Variants in LSG1 observed in about 807,000 individuals in gnomAD.
LSG1 encodes the protein large 60S subunit nuclear export GTPase 1, also known as large subunit GTPase 1 homolog.
Under a neutral mutation model 82.6 loss-of-function variants are expected in LSG1, and 55 were observed. The observed-to-expected ratio is 0.67, with a 90% CI of 0.54 to 0.83. The LOEUF (loss-of-function observed/expected upper bound fraction) is 0.83, where lower values mean the gene tolerates loss of function less well. Ranked by LOEUF, LSG1 falls within the 40% of genes least tolerant of loss-of-function variation. The pLI is 0.00. For synonymous variants in LSG1, 272 were observed against 282.5 expected, an observed-to-expected ratio of 0.96 and a Z score of 0.37; for missense variants, 809 against 807.9, an observed-to-expected ratio of 1.00 and a Z score of -0.02.
intron 5 of LSG1, among the ~76,000 whole-genome samples, chr3:194,661,071 T>G (rs1577258014): frequency 6.6e-6 from 1 of 152,312 alleles, no homozygotes; most frequent in East Asian, 1.9e-4. Flanking sequence ...CTGAGGCAAC[T>G]TTGCAAATAT....
chr3:194,672,178 G>T lies in LSG1; in HGVS notation c.-16C>A, dbSNP rs370400412. 143 of 1,576,840 alleles carry T rather than the reference G, an allele frequency of 9.1e-5. No individual in the cohort carries two copies. The highest frequency in any genetic ancestry group is 1.1e-4 in the Non-Finnish European group (131 of 1,159,734). ...TCCGGCCCATGGCAACACGACCGCT[G>T]GACGAAGCTTCCCGGCTCGGCGCGT... On this transcript the variant is annotated 5_prime_UTR_variant, in exon 1 of 14. Transcript: ENST00000265245.
rs948981091 is a variant in LSG1 at position 194,641,845 on chromosome 3, C to T, written c.*223G>A. 2 of 429,026 alleles carry T rather than the reference C, an allele frequency of 4.7e-6. No homozygotes were observed. The allele number at this position is 429,026 out of a possible 1,614,324, so 26.6% of individuals were successfully genotyped here. ...TGGTGCGTGAGCCACTGTGCCCGGC[C>T]AGGAGTAGGATTCTCGGGCTCCCAG... On this transcript the variant is annotated 3_prime_UTR_variant, in exon 14 of 14. Transcript: ENST00000265245.
Position 194,644,375 on chromosome 3 carries a change from AAAAAATAAAAAT to A in LSG1, c.1797+186_1797+197del, listed in dbSNP as rs1159210708. ...CAGAGCGAGACTCCGTCTCAAAAAA[AAAAAATAAAAAT>A]AAATAAATAAATAAATAAATAAATA... is the stretch of plus-strand genomic sequence containing the variant. On this transcript the variant is annotated intron_variant, in intron 13 of 13. Transcript: ENST00000265245. Among the ~76,000 whole-genome samples, 33 of 131,202 alleles carry A rather than the reference AAAAAATAAAAAT, an allele frequency of 2.5e-4. 3 individuals are homozygous for A. The highest frequency in any genetic ancestry group is 8.8e-4 in the African/African-American group (29 of 32,868). 86.1% of individuals were successfully genotyped at this position (131,202 alleles called of 152,430 possible).
chr3:194,646,515 T>A lies in LSG1; in HGVS notation c.1544-272A>T, dbSNP rs1349316626. ...TACTCCAGTTATTTCTTCTCTTTAT[T>A]TTATTTTTATTTTATTTTTTGTTGA... On this transcript the variant is annotated intron_variant, in intron 11 of 13. Coordinates refer to ENST00000265245, the MANE Select transcript of LSG1 (RefSeq NM_018385.3). The A allele has an allele frequency of 1.1e-4, 30 of 264,424 alleles. No homozygotes were observed. The East Asian group carries it at 2.3e-3, about 21-fold the overall frequency. The allele number at this position is 264,424 out of a possible 1,614,324, so 16.4% of individuals were successfully genotyped here.
chr3:194,660,430 G>A (rs1718902955), intron 5 of LSG1, among the ~76,000 whole-genome samples: 1 of 152,124 alleles, frequency 6.6e-6, no homozygotes, highest in African/African-American at 2.4e-5. Context: ...ACAGCCTAGA[G>A]GGGTTCGGAT....
At chr3:194,665,187 G>A (rs1719007520) in intron 5 of LSG1, among the ~76,000 whole-genome samples, 1 of 152,190 alleles carries the variant, frequency 6.6e-6, no homozygotes, top group African/African-American at 2.4e-5. Flanking sequence ...GCTGACAGGA[G>A]CTCTGACATT....
chr3:194,642,186 C>T lies in LSG1; in HGVS notation c.1859G>A (p.Gly620Asp). Residue 620 changes from glycine (G) to aspartate (D), a missense_variant, in exon 14 of 14, where the codon GGT (glycine) becomes GAT (aspartate). Gly to Asp is a moderately conservative substitution (Grantham distance 94). Transcript: ENST00000265245. The part of the protein sequence containing the change: ...QAVMGYKPGS[G>D]VVTASTASSE... ...GCTCGCAGTGGATGCAGTCACTACA[C>T]CACTCCCGGGCTTGTAACCCATCAC... 6.2e-7 allele frequency: 1 copy of T among 1,614,130 alleles called. No individual in the cohort carries two copies.
chr3:194,642,202 A>G lies in LSG1; in HGVS notation c.1843T>C (p.Tyr615His). The G allele has an allele frequency of 1.2e-6, 2 of 1,614,070 alleles. No individual in the cohort carries two copies. Among genetic ancestry groups the G allele is most frequent in the South Asian group, 1.1e-5 (1 of 91,070 alleles). ...LTKGVQAVMG[Y>H]KPGSGVVTAS... ...GTCACTACACCACTCCCGGGCTTGT[A>G]ACCCATCACAGCCTGGACTCCTTTG... The change falls in exon 14 of 14, where the codon TAC (tyrosine) becomes CAC (histidine). Residue 615 changes from tyrosine (Y) to histidine (H), a missense_variant. Physicochemically the swap from Tyr to His is moderately conservative, Grantham distance 83 (BLOSUM62 2). Coordinates refer to ENST00000265245, the MANE Select transcript of LSG1 (RefSeq NM_018385.3).
At chr3:194,652,075 ACCT>A (rs1718685195) in intron 8 of LSG1, among the ~76,000 whole-genome samples, 1 of 152,048 alleles carries the variant, frequency 6.6e-6, no homozygotes, top group South Asian at 2.1e-4. Context: ...ACATGCCATG[ACCT>A]CCTTTCCCTC....
chr3:194,644,893 G>A, intron 12 of LSG1, 147 bp from the exon 13 acceptor site: 4 of 521,410 alleles, frequency 7.7e-6, no homozygotes, highest in South Asian at 9.2e-5. Flanking sequence ...TGCAGCTGAA[G>A]AGTCCTTTTT....
rs780420427 is a variant in LSG1 at position 194,660,078 on chromosome 3, C to G, written c.577G>C (p.Asp193His). 3.1e-6 allele frequency: 5 copies of G among 1,613,734 alleles called. No homozygotes were observed. The highest frequency in any genetic ancestry group is 4.2e-6 in the Non-Finnish European group (5 of 1,179,808). The part of the protein sequence containing the change: ...ARNPLLFRCE[D>H]LECYVKEMDA... ...TTTTGTCAAACTTGACTTACCAAATCCTCACATCTAAACAGGAGTGGGTTT... is the reference window on the plus strand; with the variant it reads ...TTTTGTCAAACTTGACTTACCAAATGCTCACATCTAAACAGGAGTGGGTTT... Residue 193 changes from aspartate (D) to histidine (H), a missense_variant, in exon 6 of 14, where the codon GAT becomes CAT. Transcript: ENST00000265245.
chr3:194,646,707 GAT>G (rs1718561671), intron 11 of LSG1, among the ~76,000 whole-genome samples: 1 of 152,168 alleles, frequency 6.6e-6, no homozygotes, highest in South Asian at 2.1e-4. Flanking sequence ...TTTTAGTAGA[GAT>G]GGGGTTTCAC....
At chr3:194,661,469 C>T (rs1718925681) in intron 5 of LSG1, among the ~76,000 whole-genome samples, 1 of 152,158 alleles carries the variant, frequency 6.6e-6, no homozygotes, top group African/African-American at 2.4e-5. Flanking sequence ...AGTGAGGATG[C>T]AGAGCAAAGC....
chr3:194,667,494 T>A (rs191130741), intron 2 of LSG1, among the ~76,000 whole-genome samples: 1 of 152,200 alleles, frequency 6.6e-6, no homozygotes, highest in Non-Finnish European at 1.5e-5. Flanking sequence ...TTCCCTGCCA[T>A]AGTCAGCTAT....
At position 194,666,481 on chromosome 3, in the gene LSG1, T is replaced by G. The variant is rs1312771481; in HGVS notation, c.318A>C (p.Glu106Asp). ...TCGGTATACACAAGAACTGTTTGTTTTCTTCATGGAGCTTCTTAATTCTCT... is the reference window on the plus strand; with the variant it reads ...TCGGTATACACAAGAACTGTTTGTTGTCTTCATGGAGCTTCTTAATTCTCT... Reference protein sequence around the residue: ...ESQRIKKLHEENKQFLCIPRR... With the variant: ...ESQRIKKLHEDNKQFLCIPRR... The change falls in exon 3 of 14, where the codon GAA becomes GAC. Residue 106 changes from glutamate (E) to aspartate (D), a missense_variant. Transcript: ENST00000265245. The G allele has an allele frequency of 2.5e-6, 4 of 1,614,028 alleles. No individual in the cohort carries two copies. The highest frequency in any genetic ancestry group is 3.4e-6 in the Non-Finnish European group (4 of 1,180,020).
At chr3:194,649,972 G>A (rs1718640201) in intron 10 of LSG1, among the ~76,000 whole-genome samples, 1 of 151,708 alleles carries the variant, frequency 6.6e-6, no homozygotes, top group Non-Finnish European at 1.5e-5. Context: ...CAGGCTGGAG[G>A]GCAGTGGCAC....
chr3:194,661,765 C>T (rs958896999), intron 5 of LSG1, among the ~76,000 whole-genome samples: 3 of 152,126 alleles, frequency 2.0e-5, no homozygotes, highest in African/African-American at 4.8e-5. Flanking sequence ...AATTCAGATC[C>T]ACTTTCATAT....
intron 5 of LSG1, among the ~76,000 whole-genome samples, chr3:194,662,311 G>C (rs1718950354): frequency 6.6e-6 from 1 of 152,238 alleles, no homozygotes; most frequent in East Asian, 1.9e-4. Flanking sequence ...TTCCAGGACT[G>C]GGACCTCAGG....
At chr3:194,650,325 G>A (rs536816130) in intron 10 of LSG1, among the ~76,000 whole-genome samples, 53 of 152,290 alleles carry the variant, frequency 3.5e-4, no homozygotes, top group African/African-American at 1.3e-3. Context: ...AGGTAGCAGA[G>A]TTCCTAATTT....
Sources: gnomAD v4.1 joint callset for allele counts (sites outside exome capture counted in the v4.1 genomes callset) on GRCh38, gnomAD v4.1.1 for gene constraint, MANE v1.5 for transcripts, NCBI Gene and HGNC (gene_info 2026-07-23, HGNC 2026-07-21) for gene names.